Variants in C12orf60 observed in about 807,000 individuals in gnomAD.
C12orf60 encodes chromosome 12 open reading frame 60, also known as uncharacterized protein C12orf60.
For missense variants in C12orf60, 284 were observed against 283.2 expected (o/e 1.00, Z -0.02); for synonymous variants, 102 against 94.6 (o/e 1.08, Z -0.45).
In C12orf60 at chr12:14,818,384, G is replaced by T. The variant is rs145549138; in HGVS notation, c.-24-4528G>T. On this transcript the variant is annotated intron_variant, in intron 1 of 1. Coordinates refer to ENST00000330828, the MANE Select transcript of C12orf60 (RefSeq NM_175874.4). ...TTGCTTTTGGCATTTTTGTCATGAA[G>T]TCTTTGCCCATGCCTATGTCCTGAA... 7.0e-3 allele frequency among the ~76,000 whole-genome samples: 1,069 copies of T among 152,280 alleles called. 6 individuals are homozygous for T. Among genetic ancestry groups the T allele is most frequent in the South Asian group, 0.012 (58 of 4,832 alleles).
At chr12:14,812,544 C>G (rs575631655) in intron 1 of C12orf60, among the ~76,000 whole-genome samples, 1 of 152,250 alleles carries the variant, frequency 6.6e-6, no homozygotes, top group South Asian at 2.1e-4. Flanking sequence ...TTCTAATGAG[C>G]ATTTTGATAC....
At chr12:14,816,449 T>TA (rs971107819) in intron 1 of C12orf60, among the ~76,000 whole-genome samples, 1 of 151,530 alleles carries the variant, frequency 6.6e-6, no homozygotes, top group African/African-American at 2.4e-5. Flanking sequence ...ATGCTGCACT[T>TA]AAAAAAAAAT....
chr12:14,811,876 A>G (rs534179502), intron 1 of C12orf60, among the ~76,000 whole-genome samples: 74 of 152,322 alleles, frequency 4.9e-4, no homozygotes, highest in Non-Finnish European at 7.2e-4. Context: ...GGAGAATGCA[A>G]TATATGATTT....
At chr12:14,822,501 A>T (rs908073862) in intron 1 of C12orf60, among the ~76,000 whole-genome samples, 1 of 152,256 alleles carries the variant, frequency 6.6e-6, no homozygotes, top group Non-Finnish European at 1.5e-5. Context: ...TTTAGTTGTA[A>T]TCAGTAGGAA....
rs1277895462 is a variant in C12orf60 at position 14,823,682 on chromosome 12, C to A, written c.*9C>A. 1 of 1,530,366 alleles carries A rather than the reference C, an allele frequency of 6.5e-7. No homozygotes were observed. The highest frequency in any genetic ancestry group is 1.3e-5 in the South Asian group (1 of 76,034). 94.8% of individuals were successfully genotyped at this position (1,530,366 alleles called of 1,614,324 possible). On this transcript the variant is annotated 3_prime_UTR_variant, in exon 2 of 2. Coordinates refer to ENST00000330828, the MANE Select transcript of C12orf60 (RefSeq NM_175874.4). ...AAGCCAGTGACAAGTAGGGATGCAA[C>A]AGAAATGTTCATTTCTGTCAGAAAA...
intron 1 of C12orf60, among the ~76,000 whole-genome samples, chr12:14,817,421 A>G (rs528839431): frequency 2.0e-4 from 30 of 152,302 alleles, no homozygotes; most frequent in African/African-American, 6.7e-4. Context: ...TTACACAGGT[A>G]TACATGTGCC....
chr12:14,810,413 A>G (rs1950118456), intron 1 of C12orf60, among the ~76,000 whole-genome samples: 2 of 152,238 alleles, frequency 1.3e-5, no homozygotes, highest in South Asian at 4.1e-4. Flanking sequence ...TGATTCATTA[A>G]CAATTCATCT....
At chr12:14,816,845 A>G (rs540506830) in intron 1 of C12orf60, among the ~76,000 whole-genome samples, 52 of 151,718 alleles carry the variant, frequency 3.4e-4, no homozygotes, top group Non-Finnish European at 4.0e-4. Flanking sequence ...CCCAGGTTCA[A>G]GCAATTCTCC....
chr12:14,817,597 T>C (rs1324473504), intron 1 of C12orf60, among the ~76,000 whole-genome samples: 1 of 152,206 alleles, frequency 6.6e-6, no homozygotes, highest in African/African-American at 2.4e-5. Context: ...TTTCTGTTCC[T>C]GTGTTAGTTT....
At chr12:14,812,786 A>G (rs1304344164) in intron 1 of C12orf60, among the ~76,000 whole-genome samples, 1 of 152,068 alleles carries the variant, frequency 6.6e-6, no homozygotes, top group Non-Finnish European at 1.5e-5. Flanking sequence ...TTCAGGAGGT[A>G]CATACACAGG....
At chr12:14,806,633 T>C in intron 1 of C12orf60, 1 of 1,611,346 alleles carries the variant, frequency 6.2e-7, no homozygotes, top group Middle Eastern at 1.7e-4. Flanking sequence ...GATTTACTTC[T>C]TCCCGCCTTT....
chr12:14,815,970 G>A (rs1950209372), intron 1 of C12orf60, among the ~76,000 whole-genome samples: 1 of 152,206 alleles, frequency 6.6e-6, no homozygotes, highest in African/African-American at 2.4e-5. Flanking sequence ...AGAAAAACTA[G>A]AAGCAATATT....
intron 1 of C12orf60, among the ~76,000 whole-genome samples, chr12:14,812,887 G>T (rs1276284434): frequency 1.3e-5 from 2 of 152,128 alleles, no homozygotes; most frequent in African/African-American, 4.8e-5. Flanking sequence ...ATATTTCCCA[G>T]TCAAAGATGG....
At chr12:14,815,478 GTAAGTGGGAGCAGT>G (rs1950201307) in intron 1 of C12orf60, among the ~76,000 whole-genome samples, 1 of 152,208 alleles carries the variant, frequency 6.6e-6, no homozygotes, top group Admixed American at 6.5e-5. Context: ...GATACAGGGT[GTAAGTGGGAGCAGT>G]TAAGGGAAGG....
intron 1 of C12orf60, chr12:14,805,094 C>T (rs1214835781): frequency 3.3e-5 from 5 of 150,516 alleles, no homozygotes; most frequent in Non-Finnish European, 7.4e-5. Context: ...CCTAATGCGT[C>T]ATGTAGCAAA....
chr12:14,822,685 A>G (rs970410272), intron 1 of C12orf60, among the ~76,000 whole-genome samples: 6 of 152,208 alleles, frequency 3.9e-5, no homozygotes, highest in African/African-American at 1.4e-4. Flanking sequence ...AGCACCCAGT[A>G]TTTGATATGT....
At chr12:14,804,070 A>G (rs1231349196) in intron 1 of C12orf60, among the ~76,000 whole-genome samples, 2 of 152,202 alleles carry the variant, frequency 1.3e-5, no homozygotes, top group Non-Finnish European at 2.9e-5. Flanking sequence ...GATTGCTTAT[A>G]TGGGCGGTGA....
At chr12:14,816,561 C>G (rs1362568902) in intron 1 of C12orf60, among the ~76,000 whole-genome samples, 1 of 152,070 alleles carries the variant, frequency 6.6e-6, no homozygotes, top group Non-Finnish European at 1.5e-5. Flanking sequence ...TGCATTGCCT[C>G]TACTTCATTT....
Position 14,823,055 on chromosome 12 carries a change from T to G in C12orf60, c.120T>G (p.Ser40Arg), listed in dbSNP as rs779804281. ...INTLTELFSR[S>R]MNTQILLMAV... ...CACTGACTGAATTGTTTAGCCGCAG[T>G]ATGAATACTCAAATCCTTTTGATGG... The change falls in exon 2 of 2, where the codon AGT (serine) becomes AGG (arginine). Residue 40 changes from serine (S) to arginine (R), a missense_variant. Coordinates refer to ENST00000330828, the MANE Select transcript of C12orf60 (RefSeq NM_175874.4). 24 of 1,614,158 alleles carry G rather than the reference T, an allele frequency of 1.5e-5. No homozygotes were observed. The highest frequency in any genetic ancestry group is 1.9e-5 in the Non-Finnish European group (23 of 1,179,984).
Sources: allele counts gnomAD v4.1 joint callset (sites outside exome capture counted in the v4.1 genomes callset), GRCh38; gene constraint gnomAD v4.1.1; transcripts MANE v1.5; gene names NCBI Gene and HGNC (gene_info 2026-07-23, HGNC 2026-07-21).